RAMP2: variants seen among roughly 807,000 people sequenced by gnomAD.
The protein encoded by RAMP2 is receptor activity modifying protein 2.
RAMP2 carries 11 observed loss-of-function variants against 18.2 expected under a neutral mutation model. That is an observed-to-expected ratio of 0.60 (90% CI 0.38 to 1.00). The LOEUF (loss-of-function observed/expected upper bound fraction) is 1.00, where lower values mean the gene tolerates loss of function less well. Among genes scored for constraint, RAMP2 ranks in the 50% least tolerant of loss-of-function variants. The probability of loss-of-function intolerance (pLI) is 0.01; values close to 1 mark genes in which losing one functional copy is unlikely to be tolerated. For missense variants in RAMP2, 191 were observed against 226.5 expected (o/e 0.84, Z 1.01); for synonymous variants, 86 against 90.8 (o/e 0.95, Z 0.30).
chr17:42,762,123 A>G (rs1171624039), intron 2 of RAMP2, among the ~76,000 whole-genome samples: 1 of 152,206 alleles, frequency 6.6e-6, no homozygotes, highest in Non-Finnish European at 1.5e-5. Flanking sequence ...GACCCCAGGA[A>G]AAGGTGTACG....
At position 42,761,507 on chromosome 17, in the gene RAMP2, C is replaced by T. The variant is rs1353840458; in HGVS notation, c.97+149C>T. ...GTACCTAGCAGCACTGGCCCTCGGA[C>T]GGTCCCTGACCCCACCTCGGGGCGG... On this transcript the variant is annotated intron_variant, in intron 1 of 3. Coordinates refer to ENST00000253796, the MANE Select transcript of RAMP2 (RefSeq NM_005854.3). This position sits in a 1 kb window ranked among gnomAD's most constrained non-coding sequence, Gnocchi z 4.2. 3 of 713,194 alleles carry T rather than the reference C, an allele frequency of 4.2e-6. No homozygotes were observed. Among genetic ancestry groups the T allele is most frequent in the Non-Finnish European group, 4.3e-6 (2 of 463,250 alleles). The allele number at this position is 713,194 out of a possible 1,614,324, so 44.2% of individuals were successfully genotyped here.
chr17:42,762,177 G>C (rs112255908), intron 2 of RAMP2, among the ~76,000 whole-genome samples, 178 bp from the exon 3 acceptor site: 1 of 152,200 alleles, frequency 6.6e-6, no homozygotes, highest in Admixed American at 6.5e-5. Flanking sequence ...TTAGCACATG[G>C]AAGTCATTAT....
At position 42,761,482 on chromosome 17, in the gene RAMP2, GTACC is replaced by G; in HGVS notation, c.97+127_97+130del. ...CCCTGGGGTGCGGGTTAGGACCGAC[GTACC>G]TAGCAGCACTGGCCCTCGGACGGTC... On this transcript the variant is annotated intron_variant, in intron 1 of 3. Transcript: ENST00000253796. This position sits in a 1 kb window ranked among gnomAD's most constrained non-coding sequence, Gnocchi z 4.2. 1.2e-6 allele frequency: 1 copy of G among 812,240 alleles called. No individual in the cohort carries two copies. Among genetic ancestry groups the G allele is most frequent in the South Asian group, 2.4e-5 (1 of 40,914 alleles). The allele number at this position is 812,240 out of a possible 1,614,324, so 50.3% of individuals were successfully genotyped here. A position where few individuals can be genotyped will look rare whatever the true frequency, so the allele number is the denominator to read the frequency against.
Position 42,761,838 on chromosome 17 carries a change from C to T in RAMP2, c.102C>T (p.Val34=). Residue 34 remains valine (V), a synonymous_variant, in exon 2 of 4, where the codon GTC becomes GTT. Coordinates refer to ENST00000253796, the MANE Select transcript of RAMP2 (RefSeq NM_005854.3). This position sits in a 1 kb window ranked among gnomAD's most constrained non-coding sequence, Gnocchi z 4.2. The stretch of plus-strand genomic sequence containing the variant: ...CTCTCCCGTTTCTTCCCACAGCTGT[C>T]CTGAATCCCCACGAGGCCCTGGCTC... ...ALRLLLLLGA[V]LNPHEALAQP... is the part of the protein sequence containing the mutation. 1.9e-6 allele frequency: 3 copies of T among 1,583,756 alleles called. No individual in the cohort carries two copies. The highest frequency in any genetic ancestry group is 2.6e-6 in the Non-Finnish European group (3 of 1,152,440).
chr17:42,763,025 A>G lies in RAMP2; in HGVS notation c.*173A>G. 1.3e-6 allele frequency: 1 copy of G among 758,140 alleles called. No individual in the cohort carries two copies. The highest frequency in any genetic ancestry group is 2.0e-6 in the Non-Finnish European group (1 of 505,660). The allele number at this position is 758,140 out of a possible 1,614,324, so 47.0% of individuals were successfully genotyped here. ...CAAGTTCTGTAATCTTCAAAATAAA[A>G]CTTTTTTTTTGTACAATGTCCTTCT... On this transcript the variant is annotated 3_prime_UTR_variant, in exon 4 of 4. Coordinates refer to ENST00000253796, the MANE Select transcript of RAMP2 (RefSeq NM_005854.3).
Position 42,761,375 on chromosome 17 carries a change from G to T in RAMP2, c.97+17G>T. 1 of 1,316,644 alleles carries T rather than the reference G, an allele frequency of 7.6e-7. No homozygotes were observed. Among genetic ancestry groups the T allele is most frequent in the Non-Finnish European group, 9.6e-7 (1 of 1,036,344 alleles). The allele number at this position is 1,316,644 out of a possible 1,614,324, so 81.6% of individuals were successfully genotyped here. A position where few individuals can be genotyped will look rare whatever the true frequency, so the allele number is the denominator to read the frequency against. On this transcript the variant is annotated intron_variant, in intron 1 of 3. Transcript: ENST00000253796. The surrounding 1 kb of genome is among the most constrained non-coding windows in gnomAD (Gnocchi z 4.2). Reference sequence around the variant, plus strand: ...TGCTGGGCGGTGAGCGCGGCGCCCCGAGGCCCGGGCGGGAGGCGCGAGAGG... The same window carrying T: ...TGCTGGGCGGTGAGCGCGGCGCCCCTAGGCCCGGGCGGGAGGCGCGAGAGG...
chr17:42,762,516 C>A, intron 3 of RAMP2, 53 bp downstream of exon 3: 1 of 1,608,986 alleles, frequency 6.2e-7, no homozygotes, highest in South Asian at 1.1e-5. Flanking sequence ...CTGCTCATTG[C>A]AGGTAGACCC....
Position 42,761,375 on chromosome 17 carries a change from G to C in RAMP2, c.97+17G>C. 1.5e-6 allele frequency: 2 copies of C among 1,316,646 alleles called. No individual in the cohort carries two copies. The highest frequency in any genetic ancestry group is 1.9e-6 in the Non-Finnish European group (2 of 1,036,346). 81.6% of individuals were successfully genotyped at this position (1,316,646 alleles called of 1,614,324 possible). A position where few individuals can be genotyped will look rare whatever the true frequency, so the allele number is the denominator to read the frequency against. ...TGCTGGGCGGTGAGCGCGGCGCCCC[G>C]AGGCCCGGGCGGGAGGCGCGAGAGG... On this transcript the variant is annotated intron_variant, in intron 1 of 3. Coordinates refer to ENST00000253796, the MANE Select transcript of RAMP2 (RefSeq NM_005854.3). This position sits in a 1 kb window ranked among gnomAD's most constrained non-coding sequence, Gnocchi z 4.2.
At chr17:42,762,170 G>C (rs2054369693) in intron 2 of RAMP2, among the ~76,000 whole-genome samples, 185 bp from the exon 3 acceptor site, 1 of 152,194 alleles carries the variant, frequency 6.6e-6, no homozygotes, top group African/African-American at 2.4e-5. Flanking sequence ...AAAGTGCTTA[G>C]CACATGGAAG....
Position 42,761,234 on chromosome 17 carries a change from C to T in RAMP2, c.-28C>T. 1 of 1,435,972 alleles carries T rather than the reference C, an allele frequency of 7.0e-7. No homozygotes were observed. The highest frequency in any genetic ancestry group is 9.2e-7 in the Non-Finnish European group (1 of 1,090,778). The allele number at this position is 1,435,972 out of a possible 1,614,324, so 89.0% of individuals were successfully genotyped here. A position where few individuals can be genotyped will look rare whatever the true frequency, so the allele number is the denominator to read the frequency against. On this transcript the variant is annotated 5_prime_UTR_variant, in exon 1 of 4. Coordinates refer to ENST00000253796, the MANE Select transcript of RAMP2 (RefSeq NM_005854.3). The surrounding 1 kb of genome is among the most constrained non-coding windows in gnomAD (Gnocchi z 4.2). ...CACACCCGGGCCCGGCTCAGCGCCGCCGCCGCTCCTCGCCTCCTTGCTGCA... is the reference window on the plus strand; with the variant it reads ...CACACCCGGGCCCGGCTCAGCGCCGTCGCCGCTCCTCGCCTCCTTGCTGCA...
At chr17:42,762,080 C>T (rs1327051549) in intron 2 of RAMP2, among the ~76,000 whole-genome samples, 181 bp downstream of exon 2, 1 of 152,202 alleles carries the variant, frequency 6.6e-6, no homozygotes, top group African/African-American at 2.4e-5. Context: ...CCCTGCACGG[C>T]TCTGAGCTGC....
chr17:42,761,244 TCG>T lies in RAMP2; in HGVS notation c.-16_-15del. On this transcript the variant is annotated 5_prime_UTR_variant, in exon 1 of 4. Transcript: ENST00000253796. The surrounding 1 kb of genome is among the most constrained non-coding windows in gnomAD (Gnocchi z 4.2). The stretch of plus-strand genomic sequence containing the variant: ...CCCGGCTCAGCGCCGCCGCCGCTCC[TCG>T]CCTCCTTGCTGCACGATGGCCTCGC... 2 of 1,452,624 alleles carry T rather than the reference TCG, an allele frequency of 1.4e-6. No individual in the cohort carries two copies. Among genetic ancestry groups the T allele is most frequent in the South Asian group, 1.3e-5 (1 of 76,524 alleles). 90.0% of individuals were successfully genotyped at this position (1,452,624 alleles called of 1,614,324 possible).
chr17:42,761,927 C>G lies in RAMP2; in HGVS notation c.163+28C>G. 1 of 1,531,956 alleles carries G rather than the reference C, an allele frequency of 6.5e-7. No homozygotes were observed. The highest frequency in any genetic ancestry group is 1.1e-5 in the South Asian group (1 of 88,232). The allele number at this position is 1,531,956 out of a possible 1,614,324, so 94.9% of individuals were successfully genotyped here. On this transcript the variant is annotated intron_variant, in intron 2 of 3. Transcript: ENST00000253796. This position sits in a 1 kb window ranked among gnomAD's most constrained non-coding sequence, Gnocchi z 4.2. ...GGGTACCCAGGGTGTGGAAGGGTGG[C>G]CGAGGGTAAGGACGAGAGCAAGTTC...
Position 42,762,898 on chromosome 17 carries a change from C to A in RAMP2, c.*46C>A, listed in dbSNP as rs1568020162. The A allele has an allele frequency of 6.6e-7, 1 of 1,522,708 alleles. No individual in the cohort carries two copies. The highest frequency in any genetic ancestry group is 8.9e-7 in the Non-Finnish European group (1 of 1,123,916). The allele number at this position is 1,522,708 out of a possible 1,614,324, so 94.3% of individuals were successfully genotyped here. A position where few individuals can be genotyped will look rare whatever the true frequency, so the allele number is the denominator to read the frequency against. On this transcript the variant is annotated 3_prime_UTR_variant, in exon 4 of 4. Transcript: ENST00000253796. ...AACCATGTTACTCCACTTCCCCACC[C>A]CCACCAGGCCTCCCTCCTCCCCTCC...
chr17:42,761,923 G>A lies in RAMP2; in HGVS notation c.163+24G>A, dbSNP rs771166687. 3 of 1,534,788 alleles carry A rather than the reference G, an allele frequency of 2.0e-6. No individual in the cohort carries two copies. The Admixed American group carries it at 5.1e-5, about 26-fold the overall frequency. On this transcript the variant is annotated intron_variant, in intron 2 of 3. Coordinates refer to ENST00000253796, the MANE Select transcript of RAMP2 (RefSeq NM_005854.3). This position sits in a 1 kb window ranked among gnomAD's most constrained non-coding sequence, Gnocchi z 4.2. ...AGGTGGGTACCCAGGGTGTGGAAGG[G>A]TGGCCGAGGGTAAGGACGAGAGCAA...
At chr17:42,762,546 C>G (rs577781935) in intron 3 of RAMP2, 51 bp from the exon 4 acceptor site, 10 of 1,603,712 alleles carry the variant, frequency 6.2e-6, no homozygotes, top group Non-Finnish European at 8.5e-6. Context: ...GTGGGGCACT[C>G]TTCTCCCTGG....
Position 42,761,481 on chromosome 17 carries a change from C to A in RAMP2, c.97+123C>A. On this transcript the variant is annotated intron_variant, in intron 1 of 3. Transcript: ENST00000253796. This position sits in a 1 kb window ranked among gnomAD's most constrained non-coding sequence, Gnocchi z 4.2. ...GCCCTGGGGTGCGGGTTAGGACCGA[C>A]GTACCTAGCAGCACTGGCCCTCGGA... 2 of 829,892 alleles carry A rather than the reference C, an allele frequency of 2.4e-6. No homozygotes were observed. The highest frequency in any genetic ancestry group is 4.8e-5 in the South Asian group (2 of 41,438). The allele number at this position is 829,892 out of a possible 1,614,324, so 51.4% of individuals were successfully genotyped here. A position where few individuals can be genotyped will look rare whatever the true frequency, so the allele number is the denominator to read the frequency against.
At chr17:42,762,024 T>C (rs1177782828) in intron 2 of RAMP2, 125 bp downstream of exon 2, 1 of 969,950 alleles carries the variant, frequency 1.0e-6, no homozygotes, top group Non-Finnish European at 1.6e-6. Flanking sequence ...CCCTCTGTTC[T>C]TTCTTGGGGT....
At position 42,762,924 on chromosome 17, in the gene RAMP2, T is replaced by G; in HGVS notation, c.*72T>G. 6.9e-7 allele frequency: 1 copy of G among 1,440,896 alleles called. No individual in the cohort carries two copies. Among genetic ancestry groups the G allele is most frequent in the South Asian group, 1.4e-5 (1 of 72,292 alleles). The allele number at this position is 1,440,896 out of a possible 1,614,324, so 89.3% of individuals were successfully genotyped here. On this transcript the variant is annotated 3_prime_UTR_variant, in exon 4 of 4. Coordinates refer to ENST00000253796, the MANE Select transcript of RAMP2 (RefSeq NM_005854.3). ...CCACCAGGCCTCCCTCCTCCCCTCC[T>G]ACTCCCTTTTCTCACTCTCATCCCC...
Sources: gnomAD v4.1 joint callset for allele counts (sites outside exome capture counted in the v4.1 genomes callset) on GRCh38, gnomAD v4.1.1 for gene constraint, Gnocchi (gnomAD v3.1) non-coding constraint, MANE v1.5 for transcripts, NCBI Gene and HGNC (gene_info 2026-07-23, HGNC 2026-07-21) for gene names.